CCDC18: variants seen among roughly 807,000 people sequenced by gnomAD.
CCDC18 encodes the protein coiled-coil domain containing 18, also known as coiled-coil domain-containing protein 18.
Under a neutral mutation model 196.0 loss-of-function variants are expected in CCDC18, and 157 were observed. The ratio of observed to expected loss-of-function variants is 0.80; its 90% confidence interval spans 0.70 to 0.91. The LOEUF (loss-of-function observed/expected upper bound fraction) is 0.91, where lower values mean the gene tolerates loss of function less well. Among genes scored for constraint, CCDC18 ranks in the 40% least tolerant of loss-of-function variants. The probability of loss-of-function intolerance (pLI) is 0.00; values close to 1 mark genes in which losing one functional copy is unlikely to be tolerated. For synonymous variants in CCDC18, 482 were observed against 529.2 expected (o/e 0.91, Z 1.22); for missense variants, 1,465 against 1,611.6 (o/e 0.91, Z 1.56).
chr1:93,195,846 A>G (rs753086946), intron 6 of CCDC18, among the ~76,000 whole-genome samples: 22 of 152,178 alleles, frequency 1.4e-4, no homozygotes, highest in Non-Finnish European at 2.6e-4. Context: ...AGACTATGAT[A>G]TTTATTCTAG....
intron 28 of CCDC18, among the ~76,000 whole-genome samples, chr1:93,277,072 A>G (rs1665661948): frequency 1.0e-5 from 1 of 97,156 alleles, no homozygotes. Flanking sequence ...TAGACAATGT[A>G]AAGGATTAAG....
At chr1:93,209,818 TTTGGC>T (rs1461208710) in intron 9 of CCDC18, among the ~76,000 whole-genome samples, 2 of 152,202 alleles carry the variant, frequency 1.3e-5, no homozygotes, top group East Asian at 3.8e-4. Flanking sequence ...ATCCCAGCAT[TTTGGC>T]AGGCCAAGGT....
intron 10 of CCDC18, 147 bp from the exon 11 acceptor site, chr1:93,211,954 T>C (rs2102007272): frequency 3.1e-6 from 2 of 641,934 alleles, no homozygotes; most frequent in South Asian, 2.1e-5. Flanking sequence ...TACAGTGGTA[T>C]ATGGGAGTTT....
intron 23 of CCDC18, among the ~76,000 whole-genome samples, chr1:93,254,101 A>G (rs1158673836): frequency 1.3e-5 from 2 of 152,214 alleles, no homozygotes; most frequent in African/African-American, 2.4e-5. Context: ...AAAACAAAAA[A>G]GTCTTCTCTA....
Position 93,205,635 on chromosome 1 carries a change from CA to C in CCDC18, c.917+5del, listed in dbSNP as rs781038376. On this transcript the variant is annotated splice_donor_5th_base_variant and intron_variant, in intron 8 of 28. Transcript: ENST00000690025. Reference sequence around the variant, plus strand: ...AAATTCTGAAAGAGAAATTAAGGTACAGTATTCTGTTGTAGAAAAAGGATTT... The same window carrying C: ...AAATTCTGAAAGAGAAATTAAGGTACGTATTCTGTTGTAGAAAAAGGATTT... 17 of 1,586,424 alleles carry C rather than the reference CA, an allele frequency of 1.1e-5. No homozygotes were observed. Among genetic ancestry groups the C allele is most frequent in the Non-Finnish European group, 1.5e-5 (17 of 1,168,830 alleles).
chr1:93,184,491 G>A (rs549589989), intron 3 of CCDC18, among the ~76,000 whole-genome samples: 1 of 151,800 alleles, frequency 6.6e-6, no homozygotes, highest in African/African-American at 2.4e-5. Flanking sequence ...TTATTAAGTA[G>A]TTAAGGTATA....
chr1:93,184,789 C>T (rs980753911), intron 3 of CCDC18, among the ~76,000 whole-genome samples: 9 of 151,974 alleles, frequency 5.9e-5, no homozygotes, highest in African/African-American at 1.4e-4. Context: ...CTTTCCACTT[C>T]GGAAAGCCAA....
At chr1:93,189,357 C>T (rs1009932093) in intron 4 of CCDC18, among the ~76,000 whole-genome samples, 9 of 152,156 alleles carry the variant, frequency 5.9e-5, no homozygotes, top group Non-Finnish European at 1.3e-4. Flanking sequence ...ACTACATTTT[C>T]TTTATCCATT....
chr1:93,218,947 C>G (rs1349593419), intron 14 of CCDC18, among the ~76,000 whole-genome samples: 3 of 152,230 alleles, frequency 2.0e-5, no homozygotes, highest in Non-Finnish European at 4.4e-5. Context: ...GTGACAGCAG[C>G]TGCTTCATCA....
chr1:93,256,712 G>GT (rs1479347320), intron 25 of CCDC18, among the ~76,000 whole-genome samples, 174 bp downstream of exon 25: 1 of 152,038 alleles, frequency 6.6e-6, no homozygotes, highest in African/African-American at 2.4e-5. Context: ...AATTTTGTGT[G>GT]TATTTTACCA....
rs575998313 is a variant in CCDC18 at position 93,278,320 on chromosome 1, CTT to C, written c.4354-139_4354-138del. The stretch of plus-strand genomic sequence containing the variant: ...TTATATTCATGTGGTTCATTATTGA[CTT>C]TTTATGATTCATATTTTTCAGTAGA... On this transcript the variant is annotated intron_variant, in intron 28 of 28. Coordinates refer to ENST00000690025, the MANE Select transcript of CCDC18 (RefSeq NM_001378204.1). 3.3e-4 allele frequency: 112 copies of C among 337,878 alleles called. 1 individual carries two copies. The highest frequency in any genetic ancestry group is 1.8e-3 in the African/African-American group (84 of 46,826). 20.9% of individuals were successfully genotyped at this position (337,878 alleles called of 1,614,324 possible). A position where few individuals can be genotyped will look rare whatever the true frequency, so the allele number is the denominator to read the frequency against.
Position 93,205,638 on chromosome 1 carries a change from T to C in CCDC18, c.917+7T>C. On this transcript the variant is annotated splice_region_variant and intron_variant, in intron 8 of 28. Coordinates refer to ENST00000690025, the MANE Select transcript of CCDC18 (RefSeq NM_001378204.1). ...TTCTGAAAGAGAAATTAAGGTACAG[T>C]ATTCTGTTGTAGAAAAAGGATTTTT... 6.3e-7 allele frequency: 1 copy of C among 1,580,082 alleles called. No individual in the cohort carries two copies. The highest frequency in any genetic ancestry group is 8.6e-7 in the Non-Finnish European group (1 of 1,166,962).
intron 28 of CCDC18, chr1:93,271,411 G>C: frequency 1.4e-5 from 14 of 985,192 alleles, no homozygotes; most frequent in Non-Finnish European, 1.7e-5. Flanking sequence ...TTTTTAGAGA[G>C]AAATTCTTGA....
In CCDC18 at chr1:93,232,409, ATAT is replaced by A; in HGVS notation, c.2293-16_2293-14del. 1 of 1,430,576 alleles carries A rather than the reference ATAT, an allele frequency of 7.0e-7. No individual in the cohort carries two copies. The highest frequency in any genetic ancestry group is 2.3e-5 in the East Asian group (1 of 43,822). The allele number at this position is 1,430,576 out of a possible 1,614,324, so 88.6% of individuals were successfully genotyped here. On this transcript the variant is annotated splice_polypyrimidine_tract_variant and intron_variant, in intron 17 of 28. Coordinates refer to ENST00000690025, the MANE Select transcript of CCDC18 (RefSeq NM_001378204.1). ...AACATTGCATTGTATTGAGAGATAT[ATAT>A]ATATATTTGCCAGGTATATTGTTTA...
At chr1:93,217,666 T>C in intron 13 of CCDC18, 72 bp from the exon 14 acceptor site, 1 of 1,328,448 alleles carries the variant, frequency 7.5e-7, no homozygotes. Context: ...CTTGAACTCC[T>C]GGATTCAAGC....
At chr1:93,213,409 CTTT>C (rs75496996) in intron 11 of CCDC18, among the ~76,000 whole-genome samples, 2 of 147,052 alleles carry the variant, frequency 1.4e-5, no homozygotes, top group African/African-American at 5.1e-5. Flanking sequence ...AATTTTCTCT[CTTT>C]TTTTTTTTTT....
At chr1:93,257,231 C>CAA (rs71586787) in intron 25 of CCDC18, among the ~76,000 whole-genome samples, 1,372 of 46,288 alleles carry the variant, frequency 0.03, 222 homozygotes, top group African/African-American at 0.065. Context: ...GACTCCATCT[C>CAA]AAAAAAAAAA....
At chr1:93,267,428 G>C (rs1037314936) in intron 27 of CCDC18, among the ~76,000 whole-genome samples, 1 of 152,168 alleles carries the variant, frequency 6.6e-6, no homozygotes, top group Non-Finnish European at 1.5e-5. Context: ...CATAGTGTTG[G>C]AAGTTCTGGC....
chr1:93,250,504 T>TCCA, intron 23 of CCDC18, among the ~76,000 whole-genome samples: 1 of 152,142 alleles, frequency 6.6e-6, no homozygotes, highest in South Asian at 2.1e-4. Context: ...TGAACTCTGA[T>TCCA]GTTTCTTTGT....
Sources: allele counts gnomAD v4.1 joint callset (sites outside exome capture counted in the v4.1 genomes callset), GRCh38; gene constraint gnomAD v4.1.1; transcripts MANE v1.5; gene names NCBI Gene and HGNC (gene_info 2026-07-23, HGNC 2026-07-21).